Variants in LIPA observed in about 807,000 individuals in gnomAD.
The protein encoded by LIPA is lysosomal acid lipase/cholesteryl ester hydrolase.
A neutral mutation model predicts 40.6 loss-of-function variants in LIPA; 26 were observed. That is an observed-to-expected ratio of 0.64 (90% CI 0.47 to 0.89). The LOEUF is 0.89. Ranked by LOEUF, LIPA falls within the 40% of genes least tolerant of loss-of-function variation. The pLI is 0.00. For synonymous variants in LIPA, 188 were observed against 168.4 expected (o/e 1.12, Z -0.90); for missense variants, 455 against 479.6 (o/e 0.95, Z 0.48).
At chr10:89,222,413 G>T (rs1156355841) in intron 8 of LIPA, 98 bp downstream of exon 8, 2 of 809,682 alleles carry the variant, frequency 2.5e-6, no homozygotes, top group Non-Finnish European at 4.4e-6. Context: ...GATCAGATTT[G>T]TAAGCAGGTT....
chr10:89,389,684 C>G (rs978297849), intron 2 of LIPA, among the ~76,000 whole-genome samples: 1 of 152,110 alleles, frequency 6.6e-6, no homozygotes, highest in Non-Finnish European at 1.5e-5. Flanking sequence ...TCCATATTAT[C>G]ATATTATAAT....
At chr10:89,259,983 TA>T (rs1449177999) in intron 1 of LIPA, among the ~76,000 whole-genome samples, 12 of 152,262 alleles carry the variant, frequency 7.9e-5, no homozygotes, top group Non-Finnish European at 1.2e-4. Context: ...GTTTCACAGG[TA>T]TATACACATG....
chr10:89,293,429 T>TA (rs1446273481), intron 1 of LIPA: 1 of 152,264 alleles, frequency 6.6e-6, no homozygotes, highest in Non-Finnish European at 1.5e-5. Flanking sequence ...TAATTCCTCT[T>TA]ACGGTCTCCA....
intron 2 of LIPA, chr10:89,383,383 A>G (rs1364782872): frequency 6.2e-7 from 1 of 1,614,130 alleles, no homozygotes; most frequent in Non-Finnish European, 8.5e-7. Context: ...CTTTACATGG[A>G]AGTTGTTAAT....
intron 1 of LIPA, among the ~76,000 whole-genome samples, chr10:89,327,246 T>C (rs1203920474): frequency 6.6e-6 from 1 of 152,180 alleles, no homozygotes; most frequent in East Asian, 1.9e-4. Context: ...TGTTTCTTAA[T>C]ACACTTAAAA....
At chr10:89,403,521 G>C in intron 2 of LIPA, 1 of 1,613,742 alleles carries the variant, frequency 6.2e-7, no homozygotes, top group Non-Finnish European at 8.5e-7. Flanking sequence ...ATTAACAAGG[G>C]ATAAAAGTAT....
rs377127015 is a variant in LIPA at position 89,352,405 on chromosome 10, G to A, written c.61+60386C>T. 1.9e-3 allele frequency among the ~76,000 whole-genome samples: 282 copies of A among 152,284 alleles called. 1 individual carries two copies. The highest frequency in any genetic ancestry group is 4.0e-3 in the African/African-American group (165 of 41,564). On this transcript the variant is annotated intron_variant, in intron 2 of 8. Transcript: ENST00000371837. ...GTACATATGATTCATGGAAAGGCAC[G>A]AGGCTCAATTGCACATGTGCATATT...
chr10:89,339,035 T>G (rs1843799243), intron 1 of LIPA: 3 of 1,614,124 alleles, frequency 1.9e-6, no homozygotes, highest in Non-Finnish European at 2.5e-6. Flanking sequence ...TGCAAGAAAT[T>G]TTCAAATCCA....
At chr10:89,359,681 A>G (rs896663663) in intron 2 of LIPA, among the ~76,000 whole-genome samples, 3 of 152,250 alleles carry the variant, frequency 2.0e-5, no homozygotes, top group African/African-American at 7.2e-5. Context: ...TGCTCCTCCC[A>G]GAAATGCCAA....
intron 2 of LIPA, among the ~76,000 whole-genome samples, chr10:89,370,304 A>G (rs1464441803): frequency 6.6e-6 from 1 of 151,204 alleles, no homozygotes; most frequent in Non-Finnish European, 1.5e-5. Flanking sequence ...GGCTTACTGC[A>G]GCCTCAAACA....
chr10:89,318,133 C>T (rs1031215254), intron 1 of LIPA, among the ~76,000 whole-genome samples: 5 of 152,184 alleles, frequency 3.3e-5, no homozygotes, highest in African/African-American at 7.2e-5. Context: ...TAAAGACCAT[C>T]GGTGCTAGGA....
At position 89,214,886 on chromosome 10, in the gene LIPA, A is replaced by C. The variant is rs1334456405; in HGVS notation, c.1142T>G (p.Leu381Arg). Residue 381 changes from leucine (L) to arginine (R), a missense_variant, in exon 10 of 10, where the codon CTG becomes CGG. Transcript: ENST00000336233. ...ATTATAAAGCCTCCAAGGGGCATCC[A>C]GGCCCCAAATGAAGTCAAGATGCTC... is the stretch of plus-strand genomic sequence containing the variant. ...EWEHLDFIWG[L>R]DAPWRLYNKI... The C allele has an allele frequency of 1.9e-6, 3 of 1,613,936 alleles. No homozygotes were observed. In the South Asian group the frequency reaches 3.3e-5, roughly 18 times the overall value.
intron 2 of LIPA, among the ~76,000 whole-genome samples, chr10:89,409,300 G>T (rs1314305117): frequency 6.6e-6 from 1 of 152,200 alleles, no homozygotes; most frequent in African/African-American, 2.4e-5. Context: ...ATCAGAGAAA[G>T]ACCGCAGCCT....
intron 2 of LIPA, chr10:89,362,746 G>T: frequency 2.7e-6 from 2 of 730,588 alleles, no homozygotes; most frequent in Non-Finnish European, 4.3e-6. Context: ...GAGGAAGGAT[G>T]GGCCTTGGCG....
At chr10:89,376,187 TAA>T (rs66954730) in intron 2 of LIPA, among the ~76,000 whole-genome samples, 1 of 102,518 alleles carries the variant, frequency 9.8e-6, no homozygotes, top group Non-Finnish European at 1.8e-5. Context: ...GACTCTATCT[TAA>T]AAAAAAAAAA....
At chr10:89,227,067 G>T in intron 4 of LIPA, 63 bp from the exon 5 acceptor site, 1 of 1,016,628 alleles carries the variant, frequency 9.8e-7, no homozygotes, top group Non-Finnish European at 1.6e-6. Flanking sequence ...CACACATACT[G>T]AGTATGCAGT....
At chr10:89,218,135 G>T (rs979386502) in intron 8 of LIPA, among the ~76,000 whole-genome samples, 6 of 152,138 alleles carry the variant, frequency 3.9e-5, no homozygotes, top group Non-Finnish European at 8.8e-5. Context: ...GTTTTAAAAT[G>T]ACATTTAAAA....
At chr10:89,252,531 G>A (rs1304386476), upstream of LIPA, among the ~76,000 whole-genome samples, 1 of 152,146 alleles carries the variant, frequency 6.6e-6, no homozygotes, top group African/African-American at 2.4e-5. Context: ...CAAGGGGCTG[G>A]GCACAGTGGC....
chr10:89,387,185 G>A (rs918342700), intron 2 of LIPA, among the ~76,000 whole-genome samples: 7 of 151,782 alleles, frequency 4.6e-5, no homozygotes, highest in East Asian at 3.9e-4. Context: ...GCGTGGTGGC[G>A]GGCGCCTATA....
Sources: allele counts gnomAD v4.1 joint callset (sites outside exome capture counted in the v4.1 genomes callset), GRCh38; gene constraint gnomAD v4.1.1; transcripts MANE v1.5; gene names NCBI Gene and HGNC (gene_info 2026-07-23, HGNC 2026-07-21).